PDE8A: variants seen among roughly 807,000 people sequenced by gnomAD.
The protein encoded by PDE8A is high affinity cAMP-specific and IBMX-insensitive 3',5'-cyclic phosphodiesterase 8A.
A neutral mutation model predicts 105.0 loss-of-function variants in PDE8A; 59 were observed. That is an observed-to-expected ratio of 0.56 (90% CI 0.46 to 0.70). The LOEUF is 0.70. Among genes scored for constraint, PDE8A ranks in the 30% least tolerant of loss-of-function variants. The probability of loss-of-function intolerance (pLI) is 0.00; values close to 1 mark genes in which losing one functional copy is unlikely to be tolerated. For missense variants in PDE8A, 1,014 were observed against 1,045.9 expected, an observed-to-expected ratio of 0.97 and a Z score of 0.42; for synonymous variants, 355 against 371.9, an observed-to-expected ratio of 0.95 and a Z score of 0.52.
intron 1 of PDE8A, among the ~76,000 whole-genome samples, chr15:85,023,717 C>G (rs907983545): frequency 2.6e-5 from 4 of 152,054 alleles, no homozygotes; most frequent in African/African-American, 9.7e-5. Context: ...AGGTGAAGAT[C>G]ACTGGGTTGT....
rs1451884567 is a variant in PDE8A at position 85,138,269 on chromosome 15, C to G, written c.*366C>G. The G allele has an allele frequency of 5.7e-6, 1 of 175,590 alleles. No homozygotes were observed. Among genetic ancestry groups the G allele is most frequent in the East Asian group, 1.5e-4 (1 of 6,634 alleles). The allele number at this position is 175,590 out of a possible 1,614,324, so 10.9% of individuals were successfully genotyped here. On this transcript the variant is annotated 3_prime_UTR_variant, in exon 22 of 22. Coordinates refer to ENST00000394553, the MANE Select transcript of PDE8A (RefSeq NM_002605.3). Reference sequence around the variant, plus strand: ...TGCAAACAATTCTCTCAGTTACGTTCAGCACTTAAGAACGGCTAATGGCAA... The same window carrying G: ...TGCAAACAATTCTCTCAGTTACGTTGAGCACTTAAGAACGGCTAATGGCAA...
At chr15:85,101,918 G>T (rs905155051) in intron 11 of PDE8A, among the ~76,000 whole-genome samples, 1 of 152,190 alleles carries the variant, frequency 6.6e-6, no homozygotes, top group Non-Finnish European at 1.5e-5. Context: ...AGGTGGGTTT[G>T]TTTGTTCACC....
intron 12 of PDE8A, among the ~76,000 whole-genome samples, chr15:85,112,168 T>C (rs1437997714): frequency 1.3e-5 from 2 of 152,216 alleles, no homozygotes; most frequent in Non-Finnish European, 2.9e-5. Flanking sequence ...TTTTTTCTAA[T>C]TCCTTTATTT....
intron 3 of PDE8A, among the ~76,000 whole-genome samples, chr15:85,071,114 C>T (rs55856604): frequency 0.16 from 24,091 of 152,130 alleles, 2,123 homozygotes; most frequent in East Asian, 0.37. Flanking sequence ...GGAATCTCTA[C>T]TGTATCTGTC....
At position 85,117,571 on chromosome 15, in the gene PDE8A, A is replaced by G. The variant is rs1029205120; in HGVS notation, c.1536-70A>G. ...CTCTCTGAAATTTGGCTTGGAACCT[A>G]TTCAGGCCTTAAACACTTGGCCTGT... is the stretch of plus-strand genomic sequence containing the variant. On this transcript the variant is annotated intron_variant, in intron 16 of 21. Coordinates refer to ENST00000394553, the MANE Select transcript of PDE8A (RefSeq NM_002605.3). 6 of 1,328,448 alleles carry G rather than the reference A, an allele frequency of 4.5e-6. No individual in the cohort carries two copies. In the African/African-American group the frequency reaches 8.7e-5, roughly 19 times the overall value. 82.3% of individuals were successfully genotyped at this position (1,328,448 alleles called of 1,614,324 possible). A position where few individuals can be genotyped will look rare whatever the true frequency, so the allele number is the denominator to read the frequency against.
intron 6 of PDE8A, 98 bp downstream of exon 6, chr15:85,083,742 C>A: frequency 1.3e-6 from 1 of 753,490 alleles, no homozygotes; most frequent in Non-Finnish European, 2.4e-6. Context: ...TGGCCTCTTG[C>A]AGAAATGGGA....
At position 85,040,654 on chromosome 15, in the gene PDE8A, G is replaced by A. The variant is rs555014040; in HGVS notation, c.187-23716G>A. On this transcript the variant is annotated intron_variant, in intron 1 of 21. Transcript: ENST00000394553. ...TGGCTCACTGCAAGCTCTGCCTCCC[G>A]GGTTCACGCCATTCTCCTGACTCAG... is the stretch of plus-strand genomic sequence containing the variant. Among the ~76,000 whole-genome samples, 14 of 148,590 alleles carry A rather than the reference G, an allele frequency of 9.4e-5. No homozygotes were observed. In the South Asian group the frequency reaches 2.3e-3, roughly 25 times the overall value.
intron 9 of PDE8A, among the ~76,000 whole-genome samples, chr15:85,098,619 T>C (rs1207715968): frequency 6.6e-6 from 1 of 152,062 alleles, no homozygotes; most frequent in African/African-American, 2.4e-5. Flanking sequence ...CCATTAGAAA[T>C]GATGATCATA....
At chr15:85,069,961 T>TA (rs968212836) in intron 3 of PDE8A, among the ~76,000 whole-genome samples, 1 of 152,200 alleles carries the variant, frequency 6.6e-6, no homozygotes, top group Non-Finnish European at 1.5e-5. Flanking sequence ...TTCTGGCCCT[T>TA]ACCTGGCTTA....
At chr15:85,114,483 G>A (rs2082065494) in intron 14 of PDE8A, among the ~76,000 whole-genome samples, 1 of 152,180 alleles carries the variant, frequency 6.6e-6, no homozygotes, top group South Asian at 2.1e-4. Context: ...GATGACTGTA[G>A]GAAAGAGGGA....
In PDE8A at chr15:84,982,061, C is replaced by G. The variant is rs1024280179; in HGVS notation, c.-102C>G. The G allele has an allele frequency of 1.6e-6, 1 of 624,180 alleles. No individual in the cohort carries two copies. Among genetic ancestry groups the G allele is most frequent in the Non-Finnish European group, 2.2e-6 (1 of 449,060 alleles). The allele number at this position is 624,180 out of a possible 1,614,324, so 38.7% of individuals were successfully genotyped here. A position where few individuals can be genotyped will look rare whatever the true frequency, so the allele number is the denominator to read the frequency against. The stretch of plus-strand genomic sequence containing the variant: ...CCGCGCTCGCCGCCGCCCGCCCAGG[C>G]GGCGATGACACGGCGCCCGCGGCGG... On this transcript the variant is annotated 5_prime_UTR_variant, in exon 1 of 22. Coordinates refer to ENST00000394553, the MANE Select transcript of PDE8A (RefSeq NM_002605.3).
chr15:85,116,385 G>A, intron 16 of PDE8A: 1 of 441,480 alleles, frequency 2.3e-6, no homozygotes, highest in East Asian at 3.8e-5. Context: ...GTGAAATAAA[G>A]GTATTTCTCC....
intron 11 of PDE8A, among the ~76,000 whole-genome samples, chr15:85,107,696 A>T (rs1024904721): frequency 2.6e-4 from 39 of 152,196 alleles, no homozygotes; most frequent in African/African-American, 9.2e-4. Context: ...TAAGGACTTC[A>T]TGGTGGATAA....
intron 1 of PDE8A, among the ~76,000 whole-genome samples, chr15:85,047,082 A>G (rs191339337): frequency 6.6e-5 from 10 of 152,350 alleles, no homozygotes; most frequent in African/African-American, 2.4e-4. Flanking sequence ...TTTTGTTTCT[A>G]TATTGCTTAA....
chr15:85,015,001 C>T (rs995488634), intron 1 of PDE8A, among the ~76,000 whole-genome samples: 4 of 152,242 alleles, frequency 2.6e-5, no homozygotes, highest in South Asian at 2.1e-4. Flanking sequence ...TACCAATGAA[C>T]GTTTGATTTA....
intron 11 of PDE8A, among the ~76,000 whole-genome samples, chr15:85,101,243 C>G (rs2081857380): frequency 6.6e-6 from 1 of 152,096 alleles, no homozygotes; most frequent in Admixed American, 6.5e-5. Flanking sequence ...GCCCCAGGAG[C>G]AATCAGAGAT....
At chr15:85,076,595 C>A in intron 4 of PDE8A, 138 bp from the exon 5 acceptor site, 1 of 615,322 alleles carries the variant, frequency 1.6e-6, no homozygotes. Flanking sequence ...CAACTTTATC[C>A]TTTAAATTTG....
chr15:84,990,148 C>T (rs988181041), intron 1 of PDE8A, among the ~76,000 whole-genome samples: 3 of 151,900 alleles, frequency 2.0e-5, no homozygotes, highest in Non-Finnish European at 2.9e-5. Context: ...CCCAGGTGTT[C>T]GAGACCAGCC....
At chr15:85,121,909 C>T (rs1437002069) in intron 18 of PDE8A, among the ~76,000 whole-genome samples, 1 of 152,138 alleles carries the variant, frequency 6.6e-6, no homozygotes, top group African/African-American at 2.4e-5. Flanking sequence ...GCTTTTTTCA[C>T]TTAGCACAAT....
Sources: allele counts gnomAD v4.1 joint callset (sites outside exome capture counted in the v4.1 genomes callset), GRCh38; gene constraint gnomAD v4.1.1; transcripts MANE v1.5; gene names NCBI Gene and HGNC (gene_info 2026-07-23, HGNC 2026-07-21).